SYNE1: variants seen among roughly 807,000 people sequenced by gnomAD.
The protein encoded by SYNE1 is spectrin repeat containing nuclear envelope protein 1, also known as nesprin-1.
Under a neutral mutation model 1,111.0 loss-of-function variants are expected in SYNE1, and 616 were observed. The ratio of observed to expected loss-of-function variants is 0.55; its 90% CI spans 0.52 to 0.59. The LOEUF is 0.59. Ranked by LOEUF, SYNE1 falls within the 20% of genes least tolerant of loss-of-function variation. The pLI is 0.00. For synonymous variants in SYNE1, 3,855 were observed against 3,825.8 expected (o/e 1.01, Z -0.28); for missense variants, 10,006 against 10,417.0 (o/e 0.96, Z 1.72).
chr6:152,387,504 G>A (rs2097542095), intron 53 of SYNE1, 123 bp from the exon 54 acceptor site: 6 of 1,050,568 alleles, frequency 5.7e-6, no homozygotes, highest in Non-Finnish European at 8.5e-6. Flanking sequence ...TGATGAAAAT[G>A]TTGCTTTTGA....
Position 152,381,235 on chromosome 6 carries a change from C to G in SYNE1, c.8780G>C (p.Arg2927Pro). The stretch of plus-strand genomic sequence containing the variant: ...GTCTTCCCACTGCTTCCAGTCGGCA[C>G]GCAGGGCCTGCATCTCCGTGTGCAT... ...ELMHTEMQAL[R>P]ADWKQWEDSV... The change falls in exon 56 of 146, where the codon CGT (arginine) becomes CCT (proline). Residue 2927 changes from arginine (R) to proline (P), a missense_variant. Arg to Pro is a moderately radical substitution (Grantham distance 103, BLOSUM62 -2). Transcript: ENST00000367255. 1 of 1,614,216 alleles carries G rather than the reference C, an allele frequency of 6.2e-7. No homozygotes were observed. The highest frequency in any genetic ancestry group is 8.5e-7 in the Non-Finnish European group (1 of 1,180,040).
chr6:152,528,632 G>A (rs2099178173), intron 4 of SYNE1, among the ~76,000 whole-genome samples: 1 of 152,202 alleles, frequency 6.6e-6, no homozygotes, highest in Non-Finnish European at 1.5e-5. Flanking sequence ...AGTTAGAGAT[G>A]CAGATAATTT....
At chr6:152,591,018 G>A (rs1316864666) in intron 3 of SYNE1, among the ~76,000 whole-genome samples, 1 of 152,168 alleles carries the variant, frequency 6.6e-6, no homozygotes, top group African/African-American at 2.4e-5. Context: ...CAATCTATGA[G>A]TATGAAATGT....
chr6:152,146,407 T>C (rs745628270), intron 137 of SYNE1: 5 of 152,240 alleles, frequency 3.3e-5, no homozygotes, highest in African/African-American at 4.8e-5. Flanking sequence ...ATTAATATTT[T>C]ATTTTCTTTC....
At chr6:152,564,179 T>G (rs1005377760) in intron 3 of SYNE1, among the ~76,000 whole-genome samples, 15 of 152,218 alleles carry the variant, frequency 9.9e-5, no homozygotes, top group African/African-American at 3.4e-4. Context: ...TTTCTTGGCC[T>G]GGGATTTCAA....
Position 152,206,339 on chromosome 6 carries a change from C to A in SYNE1, c.22848G>T (p.Arg7616=), listed in dbSNP as rs2076501157. 1.2e-6 allele frequency: 2 copies of A among 1,613,930 alleles called. No homozygotes were observed. Among genetic ancestry groups the A allele is most frequent in the African/African-American group, 1.3e-5 (1 of 75,058 alleles). Residue 7616 remains arginine, a synonymous_variant, in exon 126 of 146, where the codon CGG becomes CGT. Coordinates refer to ENST00000367255, the MANE Select transcript of SYNE1 (RefSeq NM_182961.4). The part of the protein sequence containing the change: ...EVQFKEKVFL[R]QQGSYILTVE... Reference sequence around the variant, plus strand: ...CAGTCAGGATGTAGCTGCCTTGTTGCCGCAGAAACACTTTTTCTTTGAACT... The same window carrying A: ...CAGTCAGGATGTAGCTGCCTTGTTGACGCAGAAACACTTTTTCTTTGAACT...
rs773755776 is a variant in SYNE1, at chr6:152,505,278, G to A, written c.701C>T (p.Ser234Phe). ...LVDLETVKGR[S>F]NRENLEDAFT... The stretch of plus-strand genomic sequence containing the variant: ...AGCATCCTCCAAATTTTCTCGGTTG[G>A]ATCTGCCTTTCACTGTCTCCAAGTC... The change falls in exon 9 of 146, where the codon TCC (serine) becomes TTC (phenylalanine). Residue 234 changes from serine to phenylalanine, a missense_variant. By Grantham distance (155) the Ser-to-Phe change is radical. This residue lies in a region of SYNE1 where 1,971 missense variants were observed against 2,084.1 expected (regional missense o/e 0.95). Coordinates refer to ENST00000367255, the MANE Select transcript of SYNE1 (RefSeq NM_182961.4). 1.9e-6 allele frequency: 3 copies of A among 1,613,930 alleles called. No homozygotes were observed. Among genetic ancestry groups the A allele is most frequent in the Admixed American group, 1.7e-5 (1 of 59,988 alleles).
intron 3 of SYNE1, among the ~76,000 whole-genome samples, chr6:152,554,294 T>C (rs564838688): frequency 7.9e-5 from 12 of 152,084 alleles, no homozygotes; most frequent in Non-Finnish European, 1.5e-4. Flanking sequence ...TTCGATACAC[T>C]GCATTCAAAG....
At chr6:152,477,554 C>T (rs1016895586) in intron 14 of SYNE1, among the ~76,000 whole-genome samples, 2 of 152,144 alleles carry the variant, frequency 1.3e-5, no homozygotes, top group Non-Finnish European at 2.9e-5. Context: ...ACTGACAACC[C>T]TATTTAAAAT....
At chr6:152,378,333 C>T (rs1269164439) in intron 56 of SYNE1, among the ~76,000 whole-genome samples, 1 of 152,170 alleles carries the variant, frequency 6.6e-6, no homozygotes, top group Non-Finnish European at 1.5e-5. Context: ...AACCACATCC[C>T]TCAACAAACC....
At chr6:152,345,709 T>A (rs1316870351) in intron 73 of SYNE1, among the ~76,000 whole-genome samples, 2 of 152,104 alleles carry the variant, frequency 1.3e-5, no homozygotes, top group African/African-American at 4.8e-5. Context: ...TAAACAAAAA[T>A]ACACAGAATA....
Position 152,353,340 on chromosome 6 carries a change from T to C in SYNE1, c.11176A>G (p.Lys3726Glu). 6.2e-7 allele frequency: 1 copy of C among 1,614,232 alleles called. No homozygotes were observed. Among genetic ancestry groups the C allele is most frequent in the Non-Finnish European group, 8.5e-7 (1 of 1,180,046 alleles). The part of the protein sequence containing the change: ...SYSDWYGSTH[K>E]NFKNVATKID... ...TTGGTAGCCACATTCTTGAAGTTTT[T>C]ATGAGTAGAGCCATACCAATCAGAA... The change falls in exon 69 of 146, where the codon AAA (lysine) becomes GAA (glutamate). Residue 3726 changes from lysine to glutamate, a missense_variant. Lys to Glu is a moderately conservative substitution (Grantham distance 56). This residue lies in a region of SYNE1 where 4,955 missense variants were observed against 5,017.2 expected (regional missense o/e 0.99). Coordinates refer to ENST00000367255, the MANE Select transcript of SYNE1 (RefSeq NM_182961.4).
At chr6:152,635,704 A>G (rs2099704835) in intron 2 of SYNE1, among the ~76,000 whole-genome samples, 1 of 152,248 alleles carries the variant, frequency 6.6e-6, no homozygotes, top group African/African-American at 2.4e-5. Flanking sequence ...TGGGCATTAA[A>G]GAAGAGAAAA....
chr6:152,435,004 C>T (rs1001584697), intron 33 of SYNE1: 1 of 152,000 alleles, frequency 6.6e-6, no homozygotes, highest in African/African-American at 2.4e-5. Flanking sequence ...TTCTAATAAA[C>T]TCTGTTTTAC....
At chr6:152,178,678 G>A (rs975989998) in intron 129 of SYNE1, among the ~76,000 whole-genome samples, 1 of 152,140 alleles carries the variant, frequency 6.6e-6, no homozygotes, top group African/African-American at 2.4e-5. Flanking sequence ...TGAGAAGTTA[G>A]GCACTGTTTC....
rs946724955 is a variant in SYNE1 at position 152,628,519 on chromosome 6, C to T, written c.-188G>A. The T allele has an allele frequency of 4.9e-5, 31 of 630,006 alleles. No homozygotes were observed. Among genetic ancestry groups the T allele is most frequent in the African/African-American group, 1.1e-4 (6 of 54,254 alleles). The allele number at this position is 630,006 out of a possible 1,614,324, so 39.0% of individuals were successfully genotyped here. A position where few individuals can be genotyped will look rare whatever the true frequency, so the allele number is the denominator to read the frequency against. The stretch of plus-strand genomic sequence containing the variant: ...ACTGAACTGCTTCTTTTTCTTCTTC[C>T]GTTTTAAGACTGTCCTCTTACATGA... On this transcript the variant is annotated 5_prime_UTR_variant, in exon 3 of 146. Coordinates refer to ENST00000367255, the MANE Select transcript of SYNE1 (RefSeq NM_182961.4).
At chr6:152,404,162 G>T (rs374363831) in intron 46 of SYNE1, 51 bp downstream of exon 46, 11 of 1,222,664 alleles carry the variant, frequency 9.0e-6, no homozygotes, top group Admixed American at 6.8e-5. Context: ...CTAGTATATG[G>T]TAGTAATTAC....
In SYNE1 at chr6:152,495,679, A is replaced by G. The variant is rs527610945; in HGVS notation, c.939+3063T>C. Among the ~76,000 whole-genome samples the G allele has an allele frequency of 3.3e-4, 50 of 151,904 alleles. 1 individual carries two copies. Among genetic ancestry groups the G allele is most frequent in the Admixed American group, 1.0e-3 (16 of 15,240 alleles). ...ATTCCAATGACCTGCTGTCATAACC[A>G]TTTTTCCTGCCAAACCACTCACCCT... On this transcript the variant is annotated intron_variant, in intron 11 of 145. Transcript: ENST00000367255.
At chr6:152,313,613 C>A (rs557221363) in intron 87 of SYNE1, among the ~76,000 whole-genome samples, 1 of 152,040 alleles carries the variant, frequency 6.6e-6, no homozygotes, top group African/African-American at 2.4e-5. Flanking sequence ...CAGGCACTCC[C>A]AACCACGTCC....
Sources: gnomAD v4.1 joint callset for allele counts (sites outside exome capture counted in the v4.1 genomes callset) on GRCh38, gnomAD v4.1.1 for gene constraint, gnomAD v4.1.1 regional missense constraint, MANE v1.5 for transcripts, NCBI Gene and HGNC (gene_info 2026-07-23, HGNC 2026-07-21) for gene names.